Variants in EIF3B observed in about 807,000 individuals in gnomAD.
EIF3B encodes the protein eukaryotic translation initiation factor 3 subunit 9.
Under a neutral mutation model 104.6 loss-of-function variants are expected in EIF3B, and 10 were observed. The ratio of observed to expected loss-of-function variants is 0.10; its 90% CI spans 0.06 to 0.16. The LOEUF is 0.16. EIF3B is among the 10% of genes least tolerant of loss of function. The pLI is 1.00. For synonymous variants in EIF3B, 542 were observed against 417.2 expected (o/e 1.30, Z -3.65); for missense variants, 1,014 against 1,087.9 (o/e 0.93, Z 0.96).
At chr7:2,358,933 A>T (rs1779596194) in intron 1 of EIF3B, among the ~76,000 whole-genome samples, 1 of 152,114 alleles carries the variant, frequency 6.6e-6, no homozygotes, top group Non-Finnish European at 1.5e-5. Flanking sequence ...CTGTTATTTA[A>T]TCTCAGTGGG....
chr7:2,372,998 C>T (rs1026210026), intron 12 of EIF3B: 6 of 437,816 alleles, frequency 1.4e-5, no homozygotes, highest in Non-Finnish European at 2.0e-5. Context: ...CTCTGAGCCC[C>T]GTTGAGCCCT....
intron 14 of EIF3B, chr7:2,376,743 G>C: frequency 1.6e-6 from 1 of 618,120 alleles, no homozygotes; most frequent in Non-Finnish European, 2.7e-6. Context: ...TGCTCCAGCT[G>C]CTCCGTGCCC....
intron 1 of EIF3B, among the ~76,000 whole-genome samples, chr7:2,357,718 CGTGT>C (rs1779525460): frequency 6.6e-6 from 1 of 152,180 alleles, no homozygotes; most frequent in Non-Finnish European, 1.5e-5. Flanking sequence ...CCATGAGCCA[CGTGT>C]AACCGATGCT....
Position 2,354,918 on chromosome 7 carries a change from GC to G in EIF3B, c.-1del. 8.1e-7 allele frequency: 1 copy of G among 1,227,218 alleles called. No homozygotes were observed. The highest frequency in any genetic ancestry group is 1.0e-6 in the Non-Finnish European group (1 of 976,554). 76.0% of individuals were successfully genotyped at this position (1,227,218 alleles called of 1,614,324 possible). On this transcript the variant is annotated 5_prime_UTR_variant, in exon 1 of 19. Coordinates refer to ENST00000360876, the MANE Select transcript of EIF3B (RefSeq NM_001037283.2). ...GAGCCCTGCGAGTAGGCAGCGTTGG[GC>G]CCATGCAGGACGCGGAGAACGTGGC...
rs966514301 is a variant in EIF3B at position 2,355,244 on chromosome 7, C to G, written c.323C>G (p.Pro108Arg). The G allele has an allele frequency of 1.3e-6, 2 of 1,524,220 alleles. No individual in the cohort carries two copies. Among genetic ancestry groups the G allele is most frequent in the Non-Finnish European group, 1.7e-6 (2 of 1,142,940 alleles). The allele number at this position is 1,524,220 out of a possible 1,614,324, so 94.4% of individuals were successfully genotyped here. A position where few individuals can be genotyped will look rare whatever the true frequency, so the allele number is the denominator to read the frequency against. The change falls in exon 1 of 19, where the codon CCA becomes CGA. Residue 108 changes from proline (P) to arginine (R), a missense_variant. Physicochemically the swap from Pro to Arg is moderately radical, Grantham distance 103. Around this residue, in one of 4 missense-constraint regions of EIF3B, gnomAD observed 488 missense variants for 404.3 expected, o/e 1.21. Transcript: ENST00000360876. ...CCTGTCCCGGCACAGGGCGAGGCCC[C>G]AGGAGAGCAGGCTCGGGACGAGCGC... ...EPPVPAQGEA[P>R]GEQARDERSD... is the part of the protein sequence containing the mutation.
intron 12 of EIF3B, chr7:2,373,204 C>T (rs566239454): frequency 1.3e-5 from 2 of 155,216 alleles, no homozygotes; most frequent in African/African-American, 4.8e-5. Flanking sequence ...ACTCTGCCCC[C>T]GTGCACCCGG....
At position 2,369,459 on chromosome 7, in the gene EIF3B, T is replaced by A. The variant is rs1279536565; in HGVS notation, c.1404-13T>A. ...TGGTCTTTGCTTTAACATTTTATTT[T>A]CCTGTTCTGCAGAGACTTTTCTTGG... On this transcript the variant is annotated splice_polypyrimidine_tract_variant and intron_variant, in intron 9 of 18. Transcript: ENST00000360876. 6.2e-7 allele frequency: 1 copy of A among 1,613,580 alleles called. No homozygotes were observed. Among genetic ancestry groups the A allele is most frequent in the Non-Finnish European group, 8.5e-7 (1 of 1,179,748 alleles).
chr7:2,376,285 A>G (rs943393423), intron 14 of EIF3B: 1 of 150,524 alleles, frequency 6.6e-6, no homozygotes, highest in Admixed American at 6.7e-5. Flanking sequence ...ACTTGAACCC[A>G]GGAGTTTGAG....
rs191086790 is a variant in EIF3B, at chr7:2,369,461, C to T, written c.1404-11C>T. ...GTCTTTGCTTTAACATTTTATTTTCCTGTTCTGCAGAGACTTTTCTTGGTC... is the reference window on the plus strand; with the variant it reads ...GTCTTTGCTTTAACATTTTATTTTCTTGTTCTGCAGAGACTTTTCTTGGTC... On this transcript the variant is annotated splice_polypyrimidine_tract_variant and intron_variant, in intron 9 of 18. Coordinates refer to ENST00000360876, the MANE Select transcript of EIF3B (RefSeq NM_001037283.2). 4 of 1,613,456 alleles carry T rather than the reference C, an allele frequency of 2.5e-6. No individual in the cohort carries two copies. The highest frequency in any genetic ancestry group is 4.5e-5 in the East Asian group (2 of 44,882).
intron 9 of EIF3B, among the ~76,000 whole-genome samples, chr7:2,369,068 C>T (rs1436910792): frequency 1.3e-5 from 2 of 152,170 alleles, no homozygotes; most frequent in East Asian, 3.8e-4. Flanking sequence ...ACTTGATTTG[C>T]CATTTTCCCC....
At chr7:2,366,723 G>A (rs1050140309) in intron 8 of EIF3B, 132 bp downstream of exon 8, 61 of 1,086,056 alleles carry the variant, frequency 5.6e-5, no homozygotes, top group Admixed American at 2.8e-4. Flanking sequence ...TGTCTCCTGT[G>A]CCTTTTTAAC....
At chr7:2,366,472 T>G in intron 7 of EIF3B, 24 bp downstream of exon 7, 5 of 1,614,076 alleles carry the variant, frequency 3.1e-6, no homozygotes, top group Non-Finnish European at 4.2e-6. Context: ...TGTAACGAGC[T>G]CTGTAGCCTT....
chr7:2,360,155 CT>C (rs1731693677), intron 1 of EIF3B, among the ~76,000 whole-genome samples: 1 of 152,270 alleles, frequency 6.6e-6, no homozygotes, highest in African/African-American at 2.4e-5. Context: ...AGAGTTACTA[CT>C]TTCATCCCAG....
At chr7:2,372,135 A>T (rs1780379804) in intron 11 of EIF3B, 1 of 400,988 alleles carries the variant, frequency 2.5e-6, no homozygotes, top group Admixed American at 3.7e-5. Context: ...TGAGCCCAGG[A>T]GCAGAGGTTG....
chr7:2,356,615 AAAAG>A (rs1433475423), intron 1 of EIF3B, among the ~76,000 whole-genome samples: 1 of 146,788 alleles, frequency 6.8e-6, no homozygotes, highest in Non-Finnish European at 1.5e-5. Context: ...AAAAAAAAAA[AAAAG>A]AAAAAGAAAA....
At chr7:2,379,983 C>T in intron 18 of EIF3B, 1 of 253,842 alleles carries the variant, frequency 3.9e-6, no homozygotes, top group Non-Finnish European at 7.8e-6. Flanking sequence ...ACAGCATGGG[C>T]ACATGTGGGA....
At chr7:2,376,299 A>G (rs1780626766) in intron 14 of EIF3B, 1 of 150,182 alleles carries the variant, frequency 6.7e-6, no homozygotes. Context: ...GTTTGAGACT[A>G]GCCTGAGCAA....
intron 1 of EIF3B, among the ~76,000 whole-genome samples, chr7:2,359,078 T>C (rs1779605203): frequency 6.6e-6 from 1 of 151,754 alleles, no homozygotes; most frequent in Admixed American, 6.6e-5. Context: ...AAAAGTTGTT[T>C]CAGGAGCTTG....
At chr7:2,377,304 G>A (rs202002742) in intron 15 of EIF3B, among the ~76,000 whole-genome samples, 1 of 152,222 alleles carries the variant, frequency 6.6e-6, no homozygotes, top group Non-Finnish European at 1.5e-5. Flanking sequence ...GCATGAACCC[G>A]AGGGGTGGAT....
Sources: allele counts gnomAD v4.1 joint callset (sites outside exome capture counted in the v4.1 genomes callset), GRCh38; gene constraint gnomAD v4.1.1; regional missense constraint gnomAD v4.1.1; transcripts MANE v1.5; gene names NCBI Gene and HGNC (gene_info 2026-07-23, HGNC 2026-07-21).